The following MYO1E variants were observed in gnomAD, a reference collection of about 807,000 sequenced individuals.
MYO1E encodes the protein myosin IE.
A neutral mutation model predicts 151.1 loss-of-function variants in MYO1E; 68 were observed. That is an observed-to-expected ratio of 0.45 (90% CI 0.37 to 0.55). MYO1E has a LOEUF of 0.55. Ranked by LOEUF, MYO1E falls within the 20% of genes least tolerant of loss-of-function variation. The pLI is 0.00. For missense variants in MYO1E, 1,363 were observed against 1,389.3 expected (o/e 0.98, Z 0.30); for synonymous variants, 601 against 501.7 (o/e 1.20, Z -2.64).
intron 3 of MYO1E, among the ~76,000 whole-genome samples, chr15:59,258,954 G>T (rs1596388373): frequency 6.7e-6 from 1 of 148,648 alleles, no homozygotes; most frequent in South Asian, 2.2e-4. Context: ...CCCCTCTCTT[G>T]TTTTTTTTTG....
At chr15:59,177,282 C>CTTAT (rs35369042) in intron 19 of MYO1E, among the ~76,000 whole-genome samples, 111,151 of 151,734 alleles carry the variant, frequency 0.73, 42,391 homozygotes, top group East Asian at 0.91. Context: ...CTGTGTGCCG[C>CTTAT]TTATTTAATA....
intron 1 of MYO1E, among the ~76,000 whole-genome samples, chr15:59,289,013 A>G (rs1424916947): frequency 6.6e-6 from 1 of 152,194 alleles, no homozygotes; most frequent in East Asian, 1.9e-4. Context: ...TCAGAACCCT[A>G]AAATATTGTA....
chr15:59,193,219 G>C (rs2079744929), intron 17 of MYO1E, among the ~76,000 whole-genome samples: 1 of 152,212 alleles, frequency 6.6e-6, no homozygotes, highest in African/African-American at 2.4e-5. Context: ...AGCAATCTCA[G>C]CTTTAACAAG....
intron 1 of MYO1E, among the ~76,000 whole-genome samples, chr15:59,323,168 C>CAAAAAAA (rs10569332): frequency 1.4e-4 from 9 of 63,672 alleles, no homozygotes; most frequent in East Asian, 4.0e-4. Flanking sequence ...GACCCCATCA[C>CAAAAAAA]AAAAAAAAAA....
intron 9 of MYO1E, among the ~76,000 whole-genome samples, chr15:59,220,106 G>C (rs1422454343): frequency 6.6e-6 from 1 of 152,192 alleles, no homozygotes; most frequent in Admixed American, 6.5e-5. Flanking sequence ...GTAAAGGTTT[G>C]ACCAGGGAAA....
At chr15:59,283,141 C>A (rs2080367554) in intron 1 of MYO1E, among the ~76,000 whole-genome samples, 1 of 151,164 alleles carries the variant, frequency 6.6e-6, no homozygotes, top group African/African-American at 2.4e-5. Flanking sequence ...TCTGGAACCC[C>A]TCAAGGTAGC....
intron 22 of MYO1E, among the ~76,000 whole-genome samples, chr15:59,164,004 C>A: frequency 6.6e-6 from 1 of 152,142 alleles, no homozygotes; most frequent in Non-Finnish European, 1.5e-5. Flanking sequence ...CATGTTTGGA[C>A]AGGGTGGGAT....
chr15:59,167,657 C>CA (rs1406197561), intron 22 of MYO1E, among the ~76,000 whole-genome samples: 2 of 152,188 alleles, frequency 1.3e-5, no homozygotes, highest in African/African-American at 4.8e-5. Flanking sequence ...ATGCAAGCGT[C>CA]AGTGTTTCAC....
chr15:59,311,490 T>A (rs2080551590), intron 1 of MYO1E, among the ~76,000 whole-genome samples: 1 of 151,916 alleles, frequency 6.6e-6, no homozygotes, highest in Non-Finnish European at 1.5e-5. Flanking sequence ...TGCCCAGGGG[T>A]TGGGGACCCC....
At chr15:59,319,287 G>A (rs1174708229) in intron 1 of MYO1E, among the ~76,000 whole-genome samples, 2 of 152,022 alleles carry the variant, frequency 1.3e-5, no homozygotes, top group Non-Finnish European at 1.5e-5. Context: ...CTCTAGCCTG[G>A]GCAACAGAGC....
At chr15:59,347,379 C>CG (rs563257339) in intron 1 of MYO1E, among the ~76,000 whole-genome samples, 9 of 152,258 alleles carry the variant, frequency 5.9e-5, no homozygotes, top group African/African-American at 2.2e-4. Context: ...TCCACGAAAC[C>CG]GGTCCCTGGT....
At chr15:59,316,247 A>T (rs2080588128) in intron 1 of MYO1E, among the ~76,000 whole-genome samples, 1 of 152,240 alleles carries the variant, frequency 6.6e-6, no homozygotes, top group Admixed American at 6.6e-5. Flanking sequence ...TTCTTTGCTG[A>T]AGCCAAATCA....
intron 19 of MYO1E, among the ~76,000 whole-genome samples, chr15:59,178,085 C>G (rs1024811282): frequency 6.6e-6 from 1 of 152,090 alleles, no homozygotes; most frequent in Admixed American, 6.5e-5. Context: ...ACAAAGAGTC[C>G]CTGCCCTCCA....
At chr15:59,315,419 G>A (rs1300875237) in intron 1 of MYO1E, among the ~76,000 whole-genome samples, 2 of 151,998 alleles carry the variant, frequency 1.3e-5, no homozygotes, top group Admixed American at 1.3e-4. Flanking sequence ...AGAGTATTAG[G>A]AAAAATAGCT....
chr15:59,227,360 C>G, intron 7 of MYO1E, 99 bp downstream of exon 7: 1 of 1,453,950 alleles, frequency 6.9e-7, no homozygotes, highest in Non-Finnish European at 9.6e-7. Flanking sequence ...CATCAGTCCT[C>G]CCTGGCTTCC....
Position 59,152,164 on chromosome 15 carries a change from T to A in MYO1E, c.3080+1426A>T, listed in dbSNP as rs374522328. ...GAATCACTTGAACCTGGGAGGAGGC[T>A]GCAGTGAGCCGAGACTGCACCACTG... On this transcript the variant is annotated intron_variant, in intron 26 of 27. Transcript: ENST00000288235. Among the ~76,000 whole-genome samples the A allele has an allele frequency of 2.1e-4, 32 of 152,188 alleles. No individual in the cohort carries two copies. In the South Asian group the frequency reaches 6.2e-3, roughly 30 times the overall value.
In MYO1E at chr15:59,361,058, G is replaced by A. The variant is rs552888253; in HGVS notation, c.3+11440C>T. Among the ~76,000 whole-genome samples the A allele has an allele frequency of 1.4e-4, 21 of 152,278 alleles. No individual in the cohort carries two copies. The South Asian group carries it at 3.9e-3, about 29-fold the overall frequency. On this transcript the variant is annotated intron_variant, in intron 1 of 27. Transcript: ENST00000288235. ...TTGCTTTTCTTGGGAACCCTGTGGTGTGACCACTACTATGTAAACAAGCCA... is the reference window on the plus strand; with the variant it reads ...TTGCTTTTCTTGGGAACCCTGTGGTATGACCACTACTATGTAAACAAGCCA...
chr15:59,242,401 G>A (rs1342420964), intron 4 of MYO1E, among the ~76,000 whole-genome samples: 2 of 152,098 alleles, frequency 1.3e-5, no homozygotes, highest in African/African-American at 4.8e-5. Flanking sequence ...AGCTGGAAGG[G>A]GTTCCCACTG....
intron 1 of MYO1E, among the ~76,000 whole-genome samples, chr15:59,352,799 G>A (rs1285493274): frequency 6.6e-6 from 1 of 152,094 alleles, no homozygotes; most frequent in African/African-American, 2.4e-5. Context: ...AAGGCTCTAA[G>A]GTCTGCAGAA....
Sources: gnomAD v4.1 joint callset for allele counts (sites outside exome capture counted in the v4.1 genomes callset) on GRCh38, gnomAD v4.1.1 for gene constraint, MANE v1.5 for transcripts, NCBI Gene and HGNC (gene_info 2026-07-23, HGNC 2026-07-21) for gene names.